Variants in PTCHD4 observed in about 807,000 individuals in gnomAD.
The protein encoded by PTCHD4 is patched domain containing 4, also known as patched domain-containing protein 4.
In PTCHD4, 33 loss-of-function variants were observed where a neutral mutation model predicts 58.1. That is an observed-to-expected ratio of 0.57 (90% CI 0.43 to 0.76). PTCHD4 has a LOEUF of 0.76. Among genes scored for constraint, PTCHD4 ranks in the 30% least tolerant of loss-of-function variants. The pLI is 0.00. For synonymous variants in PTCHD4, 478 were observed against 409.6 expected (o/e 1.17, Z -2.02); for missense variants, 1,058 against 1,027.1 (o/e 1.03, Z -0.41).
intron 4 of PTCHD4, among the ~76,000 whole-genome samples, chr6:47,984,237 G>A (rs1436127225): frequency 6.6e-6 from 1 of 152,122 alleles, no homozygotes; most frequent in Admixed American, 6.6e-5. Context: ...CTGAAACTGG[G>A]TAATTTATAA....
At position 47,874,138 on chromosome 6, in the gene PTCHD4, C is replaced by T. The variant is rs1336947516; in HGVS notation, c.*4165G>A. ...AATTATGTTTATTTACTAACCAATA[C>T]AGAATATACTAGGCCCTTTGCCTGG... On this transcript the variant is annotated 3_prime_UTR_variant, in exon 5 of 5. Coordinates refer to ENST00000339488, the MANE Select transcript of PTCHD4 (RefSeq NM_001384253.1). 6.6e-6 allele frequency among the ~76,000 whole-genome samples: 1 copy of T among 151,680 alleles called. No homozygotes were observed. Among genetic ancestry groups the T allele is most frequent in the Non-Finnish European group, 1.5e-5 (1 of 67,776 alleles).
chr6:48,076,371 T>C (rs1320925430), intron 1 of PTCHD4, among the ~76,000 whole-genome samples: 1 of 152,244 alleles, frequency 6.6e-6, no homozygotes, highest in Non-Finnish European at 1.5e-5. Flanking sequence ...GATGATATTT[T>C]GCCCTTCTGT....
At chr6:47,961,981 G>C (rs756857827) in intron 4 of PTCHD4, among the ~76,000 whole-genome samples, 26 of 152,106 alleles carry the variant, frequency 1.7e-4, no homozygotes, top group Non-Finnish European at 2.8e-4. Flanking sequence ...ACAAAAGCTT[G>C]TTCTTTGAGA....
Position 47,860,871 on chromosome 6 carries a change from C to T in PTCHD4, c.*17432G>A, listed in dbSNP as rs1763410357. 6.6e-6 allele frequency among the ~76,000 whole-genome samples: 1 copy of T among 151,934 alleles called. No homozygotes were observed. Among genetic ancestry groups the T allele is most frequent in the South Asian group, 2.1e-4 (1 of 4,820 alleles). On this transcript the variant is annotated 3_prime_UTR_variant, in exon 5 of 5. Transcript: ENST00000339488. ...AAAATTATTTATCCTGAGATAAACT[C>T]TTTATGATTTTTAGACTTGAAATAA...
chr6:47,981,078 T>G (rs1312880551), intron 4 of PTCHD4, among the ~76,000 whole-genome samples: 1 of 152,184 alleles, frequency 6.6e-6, no homozygotes, highest in Non-Finnish European at 1.5e-5. Context: ...GGAGATCACC[T>G]GTCTTTAGCC....
At chr6:47,897,174 A>T (rs1328984) in intron 4 of PTCHD4, among the ~76,000 whole-genome samples, 110,407 of 152,014 alleles carry the variant, frequency 0.73, 40,267 homozygotes, top group East Asian at 0.84. Context: ...TGTTAAAGAG[A>T]ACATTTCTAC....
At chr6:48,092,005 A>G (rs1765375693) in intron 1 of PTCHD4, among the ~76,000 whole-genome samples, 1 of 150,362 alleles carries the variant, frequency 6.7e-6, no homozygotes, top group African/African-American at 2.5e-5. Context: ...ACACACACAC[A>G]TACACACACA....
At chr6:47,975,561 T>C (rs1767664439) in intron 4 of PTCHD4, among the ~76,000 whole-genome samples, 1 of 152,182 alleles carries the variant, frequency 6.6e-6, no homozygotes, top group Non-Finnish European at 1.5e-5. Context: ...ACTAATCTTG[T>C]CTTGCATTGT....
rs779679077 is a variant in PTCHD4, at chr6:48,071,501, G to A, written c.-969-1575C>T. The stretch of plus-strand genomic sequence containing the variant: ...TTTATTGCTAGATGATGGGATTGTG[G>A]GTGAACTTATAAAATAATGCATTTG... On this transcript the variant is annotated intron_variant, in intron 1 of 4. Coordinates refer to ENST00000339488, the MANE Select transcript of PTCHD4 (RefSeq NM_001384253.1). 1.2e-4 allele frequency among the ~76,000 whole-genome samples: 18 copies of A among 152,184 alleles called. 1 individual carries two copies. Among genetic ancestry groups the A allele is most frequent in the Admixed American group, 2.0e-4 (3 of 15,284 alleles).
chr6:48,016,593 C>G (rs1278085817), intron 3 of PTCHD4, among the ~76,000 whole-genome samples: 2 of 151,836 alleles, frequency 1.3e-5, no homozygotes, highest in East Asian at 3.9e-4. Flanking sequence ...CATAAATCAT[C>G]TCATCACATT....
rs1764896609 is a variant in PTCHD4, at chr6:48,068,718, C to T, written c.6-77G>A. ...CATCCCACCCCCTGGGGCCAGTCCCCCCTCCCCACCGCCGCCGCCTCCCCA... is the reference window on the plus strand; with the variant it reads ...CATCCCACCCCCTGGGGCCAGTCCCTCCTCCCCACCGCCGCCGCCTCCCCA... On this transcript the variant is annotated intron_variant, in intron 2 of 4. Transcript: ENST00000339488. This position sits in a 1 kb window ranked among gnomAD's most constrained non-coding sequence, Gnocchi z 4.2. 5.0e-6 allele frequency: 7 copies of T among 1,394,734 alleles called. No homozygotes were observed. In the East Asian group the frequency reaches 1.0e-4, roughly 20 times the overall value. 86.4% of individuals were successfully genotyped at this position (1,394,734 alleles called of 1,614,324 possible). A position where few individuals can be genotyped will look rare whatever the true frequency, so the allele number is the denominator to read the frequency against.
intron 4 of PTCHD4, among the ~76,000 whole-genome samples, chr6:47,985,371 G>A (rs1768024585): frequency 6.6e-6 from 1 of 152,040 alleles, no homozygotes; most frequent in South Asian, 2.1e-4. Flanking sequence ...TAGCTAGCTA[G>A]GATAATCTAA....
intron 4 of PTCHD4, among the ~76,000 whole-genome samples, chr6:47,963,243 C>T (rs913699133): frequency 6.6e-6 from 1 of 151,472 alleles, no homozygotes; most frequent in African/African-American, 2.4e-5. Flanking sequence ...TATAAAGATG[C>T]TCAATAATCA....
chr6:48,092,767 T>C (rs1318862647), intron 1 of PTCHD4, among the ~76,000 whole-genome samples: 1 of 152,164 alleles, frequency 6.6e-6, no homozygotes, highest in African/African-American at 2.4e-5. Context: ...CACAGGAATG[T>C]CACCAACTCC....
At chr6:47,921,796 G>T (rs1342842051) in intron 4 of PTCHD4, among the ~76,000 whole-genome samples, 1 of 151,934 alleles carries the variant, frequency 6.6e-6, no homozygotes, top group Non-Finnish European at 1.5e-5. Flanking sequence ...CTTGAGAGAA[G>T]AATACATTTT....
At chr6:47,931,879 C>A (rs1180074467) in intron 4 of PTCHD4, among the ~76,000 whole-genome samples, 2 of 152,022 alleles carry the variant, frequency 1.3e-5, no homozygotes. Context: ...TAAACAGCAA[C>A]CAGAATTATA....
chr6:47,946,120 G>C (rs1766409263), intron 4 of PTCHD4, among the ~76,000 whole-genome samples: 1 of 151,886 alleles, frequency 6.6e-6, no homozygotes, highest in East Asian at 1.9e-4. Context: ...TTGATATAAG[G>C]TCCAGATCAT....
intron 1 of PTCHD4, among the ~76,000 whole-genome samples, chr6:48,081,123 C>A (rs1765159411): frequency 6.6e-6 from 1 of 152,200 alleles, no homozygotes; most frequent in East Asian, 1.9e-4. Context: ...ATGTACAAAA[C>A]CCTCCTATGT....
chr6:48,009,165 A>G, intron 3 of PTCHD4, 51 bp from the exon 4 acceptor site: 1 of 1,522,110 alleles, frequency 6.6e-7, no homozygotes, highest in Non-Finnish European at 8.8e-7. Context: ...TATTCCAGGG[A>G]ATAGATTCTT....
Sources: allele counts gnomAD v4.1 joint callset (sites outside exome capture counted in the v4.1 genomes callset), GRCh38; gene constraint gnomAD v4.1.1; non-coding constraint Gnocchi (gnomAD v3.1); transcripts MANE v1.5; gene names NCBI Gene and HGNC (gene_info 2026-07-23, HGNC 2026-07-21).